DHDDS: variants seen among roughly 807,000 people sequenced by gnomAD.
DHDDS encodes dehydrodolichyl diphosphate synthase subunit, also known as dehydrodolichyl diphosphate synthase complex subunit DHDDS.
In DHDDS, 16 loss-of-function variants were observed where a neutral mutation model predicts 46.2. The observed-to-expected ratio is 0.35, with a 90% CI of 0.23 to 0.53. The LOEUF is 0.53. Among genes scored for constraint, DHDDS ranks in the 20% least tolerant of loss-of-function variants. DHDDS has a pLI of 0.94. For synonymous variants in DHDDS, 151 were observed against 163.1 expected (o/e 0.93, Z 0.56); for missense variants, 340 against 423.7 (o/e 0.80, Z 1.73).
At position 26,468,976 on chromosome 1, in the gene DHDDS, C is replaced by T; in HGVS notation, c.847C>T (p.Arg283Ter). Residue 283 changes from arginine to a stop codon, truncating the protein, a stop_gained, in exon 9 of 9, where the codon CGA (arginine) becomes TGA (stop). Transcript: ENST00000236342. LOFTEE classifies it high-confidence loss of function. ...DQATVTEQLLREGLQASGDAQ... is the reference protein window; with the variant it reads ...DQATVTEQLL ...GGCTACAGTGACAGAGCAGCTGCTG[C>T]GAGAGGGGCTCCAAGCCAGTGGGGA... is the stretch of plus-strand genomic sequence containing the variant. 2 of 1,613,978 alleles carry T rather than the reference C, an allele frequency of 1.2e-6. No homozygotes were observed. Among genetic ancestry groups the T allele is most frequent in the Non-Finnish European group, 1.7e-6 (2 of 1,180,018 alleles).
rs1228903132 is a variant in DHDDS at position 26,432,908 on chromosome 1, T to C, written c.-38T>C. 3 of 1,610,618 alleles carry C rather than the reference T, an allele frequency of 1.9e-6. No individual in the cohort carries two copies. Among genetic ancestry groups the C allele is most frequent in the Admixed American group, 1.7e-5 (1 of 59,992 alleles). The stretch of plus-strand genomic sequence containing the variant: ...TATCCAAGATTACCTGGCTGGTGTT[T>C]GCTTGTTCTGGAGTGATCTTCTGAC... On this transcript the variant is annotated 5_prime_UTR_variant, in exon 2 of 9. Coordinates refer to ENST00000236342, the MANE Select transcript of DHDDS (RefSeq NM_205861.3).
At chr1:26,447,896 A>G in intron 6 of DHDDS, 1 of 607,554 alleles carries the variant, frequency 1.6e-6, no homozygotes, top group Non-Finnish European at 2.9e-6. Context: ...GTACTTGGCC[A>G]GAGGTCTAAT....
intron 2 of DHDDS, among the ~76,000 whole-genome samples, chr1:26,437,495 G>C (rs2075172020): frequency 6.7e-6 from 1 of 149,770 alleles, no homozygotes; most frequent in African/African-American, 2.5e-5. Flanking sequence ...TTTTGAGACA[G>C]AGTCTCGCTG....
chr1:26,468,663 G>A (rs557041415), intron 8 of DHDDS, among the ~76,000 whole-genome samples: 2 of 152,184 alleles, frequency 1.3e-5, no homozygotes, highest in South Asian at 2.1e-4. Flanking sequence ...AAGTACAGAC[G>A]CTTCCACACA....
intron 2 of DHDDS, 75 bp from the exon 3 acceptor site, chr1:26,438,093 A>C: frequency 6.7e-7 from 1 of 1,483,964 alleles, no homozygotes; most frequent in Admixed American, 1.7e-5. Flanking sequence ...CAAACATATC[A>C]CCTTGGGGTG....
rs146829192 is a variant in DHDDS at position 26,448,861 on chromosome 1, G to C, written c.542+1201G>C. On this transcript the variant is annotated intron_variant, in intron 6 of 8. Transcript: ENST00000236342. ...GGTTCTTATCCTTTACCTCTATTAT[G>C]TGGGATCTTGGGAAGCAGGAATTTT... is the stretch of plus-strand genomic sequence containing the variant. Among the ~76,000 whole-genome samples, 15 of 152,178 alleles carry C rather than the reference G, an allele frequency of 9.9e-5. No individual in the cohort carries two copies. The East Asian group carries it at 2.9e-3, about 29-fold the overall frequency.
At chr1:26,463,851 T>C (rs1257495809) in intron 8 of DHDDS, among the ~76,000 whole-genome samples, 1 of 152,018 alleles carries the variant, frequency 6.6e-6, no homozygotes, top group Non-Finnish European at 1.5e-5. Flanking sequence ...GTACAAATAA[T>C]AATGTTATTA....
Position 26,469,699 on chromosome 1 carries a change from C to CGGCGA in DHDDS, c.*568_*569insGGCGA. 9.2e-6 allele frequency: 2 copies of CGGCGA among 218,406 alleles called. No individual in the cohort carries two copies. Among genetic ancestry groups the CGGCGA allele is most frequent in the Non-Finnish European group, 1.9e-5 (2 of 106,228 alleles). The allele number at this position is 218,406 out of a possible 1,614,324, so 13.5% of individuals were successfully genotyped here. A position where few individuals can be genotyped will look rare whatever the true frequency, so the allele number is the denominator to read the frequency against. Reference sequence around the variant, plus strand: ...ATTTGCTATTGAATCTCTACCCTCTCCCACCACACAGTACTGATTGCTCAC... The same window carrying CGGCGA: ...ATTTGCTATTGAATCTCTACCCTCTCGGCGACCACCACACAGTACTGATTGCTCAC... On this transcript the variant is annotated 3_prime_UTR_variant, in exon 9 of 9. Transcript: ENST00000236342.
intron 6 of DHDDS, among the ~76,000 whole-genome samples, chr1:26,451,253 T>C (rs564252352): frequency 6.6e-6 from 1 of 152,294 alleles, no homozygotes; most frequent in South Asian, 2.1e-4. Context: ...TTACACTTTA[T>C]ATTATTCGAA....
At chr1:26,453,061 T>C (rs1359668370) in intron 6 of DHDDS, among the ~76,000 whole-genome samples, 1 of 151,948 alleles carries the variant, frequency 6.6e-6, no homozygotes, top group Non-Finnish European at 1.5e-5. Context: ...CATTGCTCTC[T>C]AGCCTGAACA....
At chr1:26,433,035 G>C (rs1355235770) in intron 2 of DHDDS, 27 bp downstream of exon 2, 1 of 1,613,656 alleles carries the variant, frequency 6.2e-7, no homozygotes, top group African/African-American at 1.3e-5. Context: ...AGCACCGGTT[G>C]GCCTTCTGGT....
In DHDDS at chr1:26,441,715, C is replaced by T. The variant is rs374165285; in HGVS notation, c.181-1016C>T. ...TTCGAGACCAGCCTGGTCAGCATGG[C>T]GAAACCCCATCTCTACTAAAAATAC... On this transcript the variant is annotated intron_variant, in intron 3 of 8. Transcript: ENST00000236342. 3.9e-3 allele frequency among the ~76,000 whole-genome samples: 594 copies of T among 151,770 alleles called. 1 individual carries two copies. The highest frequency in any genetic ancestry group is 6.8e-3 in the Admixed American group (103 of 15,212).
intron 8 of DHDDS, among the ~76,000 whole-genome samples, chr1:26,466,490 A>G (rs2075488290): frequency 6.6e-6 from 1 of 152,208 alleles, no homozygotes; most frequent in South Asian, 2.1e-4. Flanking sequence ...AGCCAAGGGA[A>G]CTTCAGCCAT....
In DHDDS at chr1:26,469,207, G is replaced by C; in HGVS notation, c.*76G>C. The C allele has an allele frequency of 6.2e-7, 1 of 1,604,924 alleles. No homozygotes were observed. The highest frequency in any genetic ancestry group is 8.5e-7 in the Non-Finnish European group (1 of 1,179,782). On this transcript the variant is annotated 3_prime_UTR_variant, in exon 9 of 9. Transcript: ENST00000236342. ...ACTCCCCTTCCTTTTCTTGGTGAAA[G>C]GCACCTCCTTTCCTGATAATGAATG...
At chr1:26,463,439 A>G (rs1051033809) in intron 8 of DHDDS, 4 of 152,230 alleles carry the variant, frequency 2.6e-5, no homozygotes, top group African/African-American at 7.2e-5. Context: ...ACAAACTGCA[A>G]CACAAAATTA....
At chr1:26,446,687 AGTGTGTGT>A (rs138481581) in intron 5 of DHDDS, among the ~76,000 whole-genome samples, 12 of 149,010 alleles carry the variant, frequency 8.1e-5, no homozygotes, top group African/African-American at 3.0e-4. Context: ...CCACCAAATA[AGTGTGTGT>A]GTGTGTGTGT....
intron 2 of DHDDS, among the ~76,000 whole-genome samples, chr1:26,435,568 G>C (rs1001995005): frequency 6.6e-6 from 1 of 150,402 alleles, no homozygotes; most frequent in African/African-American, 2.4e-5. Flanking sequence ...CTCCTAAGTA[G>C]CTGGGATTAC....
At chr1:26,433,118 G>A (rs1322137102) in intron 2 of DHDDS, 110 bp downstream of exon 2, 1 of 1,203,822 alleles carries the variant, frequency 8.3e-7, no homozygotes, top group East Asian at 2.4e-5. Flanking sequence ...ATGTTAAGTG[G>A]AATTTAGCAA....
intron 3 of DHDDS, 62 bp downstream of exon 3, chr1:26,438,346 A>C (rs557021306): frequency 6.8e-7 from 1 of 1,475,904 alleles, no homozygotes; most frequent in African/African-American, 1.4e-5. Context: ...ATAGCTAGAA[A>C]ACCAGGCTCT....
Sources: allele counts gnomAD v4.1 joint callset (sites outside exome capture counted in the v4.1 genomes callset), GRCh38; gene constraint gnomAD v4.1.1; transcripts MANE v1.5; gene names NCBI Gene and HGNC (gene_info 2026-07-23, HGNC 2026-07-21).